THSD4: variants seen among roughly 807,000 people sequenced by gnomAD.
The protein encoded by THSD4 is thrombospondin type-1 domain-containing protein 4.
Under a neutral mutation model 119.0 loss-of-function variants are expected in THSD4, and 69 were observed. The observed-to-expected ratio is 0.58, with a 90% CI of 0.48 to 0.71. The LOEUF (loss-of-function observed/expected upper bound fraction) is 0.71, where lower values mean the gene tolerates loss of function less well. Among genes scored for constraint, THSD4 ranks in the 30% least tolerant of loss-of-function variants. The pLI, the probability that THSD4 is intolerant of heterozygous loss-of-function variation, is 0.00. For missense variants in THSD4, 1,393 were observed against 1,391.1 expected, an observed-to-expected ratio of 1.00 and a Z score of -0.02; for synonymous variants, 524 against 540.4, an observed-to-expected ratio of 0.97 and a Z score of 0.42.
At chr15:71,481,759 G>A (rs1437503431) in intron 7 of THSD4, among the ~76,000 whole-genome samples, 1 of 152,142 alleles carries the variant, frequency 6.6e-6, no homozygotes, top group African/African-American at 2.4e-5. Flanking sequence ...ATTTCTATTG[G>A]CTAGAGTATT....
At chr15:71,604,184 A>G (rs2050064190) in intron 7 of THSD4, among the ~76,000 whole-genome samples, 1 of 152,162 alleles carries the variant, frequency 6.6e-6, no homozygotes, top group African/African-American at 2.4e-5. Flanking sequence ...ATGAAGATTT[A>G]TTAAAAGTTT....
At chr15:71,761,226 C>T (rs191487487) in intron 15 of THSD4, among the ~76,000 whole-genome samples, 16 of 151,974 alleles carry the variant, frequency 1.1e-4, no homozygotes, top group Admixed American at 6.6e-5. Context: ...AGTTATAAAT[C>T]TTCTAGTGGT....
chr15:71,426,808 T>C (rs1321858553), intron 7 of THSD4, among the ~76,000 whole-genome samples: 1 of 152,212 alleles, frequency 6.6e-6, no homozygotes, highest in African/African-American at 2.4e-5. Context: ...ACATGTGTCT[T>C]AGCTCCTAAA....
At chr15:71,668,547 C>G (rs1009996809) in intron 8 of THSD4, among the ~76,000 whole-genome samples, 1 of 152,148 alleles carries the variant, frequency 6.6e-6, no homozygotes, top group South Asian at 2.1e-4. Context: ...CCCCCACTCC[C>G]AGCACACACA....
chr15:71,585,666 T>C (rs2049652619), intron 7 of THSD4, among the ~76,000 whole-genome samples: 1 of 152,172 alleles, frequency 6.6e-6, no homozygotes, highest in Non-Finnish European at 1.5e-5. Flanking sequence ...CTAAACAAGT[T>C]TTCTGCCTCT....
chr15:71,535,913 A>G (rs1302826219), intron 7 of THSD4, among the ~76,000 whole-genome samples: 2 of 152,138 alleles, frequency 1.3e-5, no homozygotes, highest in Non-Finnish European at 2.9e-5. Flanking sequence ...CATTAGCAGC[A>G]CCAGGGTCTT....
At chr15:71,464,579 T>G (rs2047474325) in intron 7 of THSD4, among the ~76,000 whole-genome samples, 1 of 152,026 alleles carries the variant, frequency 6.6e-6, no homozygotes. Context: ...TTGCCCTGAG[T>G]TTTTCATGGG....
chr15:71,252,866 T>TATCATCATCATCATC (rs56093539), intron 5 of THSD4, among the ~76,000 whole-genome samples: 12 of 151,136 alleles, frequency 7.9e-5, no homozygotes, highest in African/African-American at 2.9e-4. Flanking sequence ...AAAAGTTAGG[T>TATCATCATCATCATC]ATCATCATCA....
At chr15:71,718,819 C>T (rs2052660709) in intron 8 of THSD4, among the ~76,000 whole-genome samples, 2 of 152,242 alleles carry the variant, frequency 1.3e-5, no homozygotes, top group Non-Finnish European at 1.5e-5. Flanking sequence ...AATCTCTGCT[C>T]AAATGCCACC....
At chr15:71,150,420 T>G (rs1000912150) in intron 2 of THSD4, among the ~76,000 whole-genome samples, 1 of 152,194 alleles carries the variant, frequency 6.6e-6, no homozygotes, top group African/African-American at 2.4e-5. Flanking sequence ...TGGCAGAGTT[T>G]CCTCTGGCCC....
chr15:71,406,643 GGTGTGTGTGTGTGTGTGT>G lies in THSD4; in HGVS notation c.1016-5009_1016-4992del, dbSNP rs56347233. Among the ~76,000 whole-genome samples the G allele has an allele frequency of 1.7e-3, 216 of 126,262 alleles. 6 individuals are homozygous for G. In the South Asian group the frequency reaches 0.036, roughly 21 times the overall value. 82.8% of individuals were successfully genotyped at this position (126,262 alleles called of 152,430 possible). On this transcript the variant is annotated intron_variant, in intron 6 of 17. Transcript: ENST00000261862. The stretch of plus-strand genomic sequence containing the variant: ...TCTTTCAGTTCTCTCAGGTTTGTTT[GGTGTGTGTGTGTGTGTGT>G]GTGTGTGTGTGTGTGTGTGTGTGTG...
In THSD4 at chr15:71,295,301, C is replaced by T. The variant is rs115247155; in HGVS notation, c.1015+38586C>T. 6.7e-3 allele frequency among the ~76,000 whole-genome samples: 1,018 copies of T among 152,216 alleles called. 8 individuals carry two copies. The highest frequency in any genetic ancestry group is 0.023 in the African/African-American group (956 of 41,522). The stretch of plus-strand genomic sequence containing the variant: ...CAGGATCACGATGAACTCTCAAGGC[C>T]AAGTTTGAACCCAGGCCTTCTGACT... On this transcript the variant is annotated intron_variant, in intron 6 of 17. Transcript: ENST00000261862.
chr15:71,199,883 CATGTGTGGTATG>C (rs2043781386), intron 3 of THSD4, among the ~76,000 whole-genome samples: 11 of 27,390 alleles, frequency 4.0e-4, no homozygotes, highest in East Asian at 1.7e-3. Flanking sequence ...GTGTGTGGTG[CATGTGTGGTATG>C]TGTGTGTGGT....
At chr15:71,656,615 T>C (rs1287061480) in intron 7 of THSD4, among the ~76,000 whole-genome samples, 1 of 152,268 alleles carries the variant, frequency 6.6e-6, no homozygotes, top group East Asian at 1.9e-4. Flanking sequence ...ACTGTCACGA[T>C]CTACTCCTTC....
chr15:71,429,349 G>T (rs1165348163), intron 7 of THSD4, among the ~76,000 whole-genome samples: 1 of 152,206 alleles, frequency 6.6e-6, no homozygotes, highest in Non-Finnish European at 1.5e-5. Flanking sequence ...AGTCTGTTGG[G>T]CCCACAGAGC....
intron 7 of THSD4, among the ~76,000 whole-genome samples, chr15:71,418,731 T>C (rs1337165561): frequency 9.2e-6 from 1 of 109,032 alleles, no homozygotes; most frequent in African/African-American, 3.1e-5. Context: ...TTTAGAATAG[T>C]TTGAATAGGA....
At chr15:71,291,616 G>A (rs540266746) in intron 6 of THSD4, among the ~76,000 whole-genome samples, 7 of 152,262 alleles carry the variant, frequency 4.6e-5, no homozygotes, top group Admixed American at 2.6e-4. Flanking sequence ...GAGGAGGGCC[G>A]TCTGCTTTAT....
intron 6 of THSD4, among the ~76,000 whole-genome samples, chr15:71,289,356 G>A (rs78450084): frequency 0.012 from 1,806 of 152,230 alleles, 31 homozygotes; most frequent in African/African-American, 0.039. Context: ...CTTTATGATG[G>A]TTCCTCATGA....
chr15:71,738,157 A>T (rs1595905022), intron 11 of THSD4, 150 bp downstream of exon 11: 2 of 1,123,730 alleles, frequency 1.8e-6, no homozygotes, highest in Non-Finnish European at 2.5e-6. Context: ...GGGTTGGGGG[A>T]TGGTTTCTGG....
Sources: allele counts gnomAD v4.1 joint callset (sites outside exome capture counted in the v4.1 genomes callset), GRCh38; gene constraint gnomAD v4.1.1; transcripts MANE v1.5; gene names NCBI Gene and HGNC (gene_info 2026-07-23, HGNC 2026-07-21).